GLG1: variants seen among roughly 807,000 people sequenced by gnomAD.
GLG1 encodes the protein golgi glycoprotein 1.
A neutral mutation model predicts 160.5 loss-of-function variants in GLG1; 38 were observed. The observed-to-expected ratio is 0.24, with a 90% CI of 0.18 to 0.31. The LOEUF (loss-of-function observed/expected upper bound fraction) is 0.31, where lower values mean the gene tolerates loss of function less well. GLG1 is among the 10% of genes least tolerant of loss of function. The pLI is 1.00. For synonymous variants in GLG1, 644 were observed against 543.4 expected, an observed-to-expected ratio of 1.19 and a Z score of -2.57; for missense variants, 1,373 against 1,505.2, an observed-to-expected ratio of 0.91 and a Z score of 1.45.
In GLG1 at chr16:74,462,238, G is replaced by C. The variant is rs373796773; in HGVS notation, c.2935-43C>G. The C allele has an allele frequency of 7.8e-6, 8 of 1,021,660 alleles. No individual in the cohort carries two copies. The African/African-American group carries it at 1.3e-4, about 17-fold the overall frequency. The allele number at this position is 1,021,660 out of a possible 1,614,324, so 63.3% of individuals were successfully genotyped here. A position where few individuals can be genotyped will look rare whatever the true frequency, so the allele number is the denominator to read the frequency against. The stretch of plus-strand genomic sequence containing the variant: ...AGGATACATGGGCTGATCAGAAAAC[G>C]AAGCTTTTCTACAAAAGCAGGACAT... On this transcript the variant is annotated intron_variant, in intron 21 of 25. Coordinates refer to ENST00000422840, the MANE Select transcript of GLG1 (RefSeq NM_001145667.2).
At chr16:74,601,055 T>C (rs1466161079) in intron 1 of GLG1, among the ~76,000 whole-genome samples, 3 of 152,044 alleles carry the variant, frequency 2.0e-5, no homozygotes, top group Admixed American at 2.0e-4. Context: ...ACAGACAGCA[T>C]AGGAGGAAAT....
intron 1 of GLG1, among the ~76,000 whole-genome samples, chr16:74,540,834 C>T (rs148847671): frequency 3.4e-4 from 51 of 152,158 alleles, no homozygotes; most frequent in Admixed American, 7.2e-4. Context: ...CTCCTAGCCA[C>T]GGCAGGCACA....
intron 1 of GLG1, among the ~76,000 whole-genome samples, chr16:74,549,022 C>T (rs1279610208): frequency 2.8e-4 from 43 of 152,108 alleles, no homozygotes; most frequent in Non-Finnish European, 1.2e-4. Flanking sequence ...TACCAAACAA[C>T]ACTTAATTTT....
intron 1 of GLG1, among the ~76,000 whole-genome samples, chr16:74,591,912 C>T (rs1958193966): frequency 6.6e-6 from 1 of 152,140 alleles, no homozygotes; most frequent in South Asian, 2.1e-4. Flanking sequence ...GCAGAGTTTT[C>T]CTTTGATAGG....
chr16:74,488,219 G>C (rs562488274), intron 8 of GLG1, among the ~76,000 whole-genome samples: 3 of 152,104 alleles, frequency 2.0e-5, no homozygotes, highest in African/African-American at 7.2e-5. Context: ...ATGGAAGTCT[G>C]CTGTATTAGG....
At chr16:74,494,683 G>C in intron 6 of GLG1, 77 bp downstream of exon 6, 1 of 678,064 alleles carries the variant, frequency 1.5e-6, no homozygotes, top group Non-Finnish European at 2.7e-6. Flanking sequence ...GGGATTACAG[G>C]CGTGAGCCAC....
chr16:74,487,228 T>C (rs1442553743), intron 8 of GLG1, among the ~76,000 whole-genome samples: 2 of 152,126 alleles, frequency 1.3e-5, no homozygotes, highest in South Asian at 2.1e-4. Context: ...TCTTTAATAA[T>C]AGAAAGCGAA....
intron 2 of GLG1, among the ~76,000 whole-genome samples, chr16:74,515,872 AAAC>A (rs2016961876): frequency 6.6e-6 from 1 of 151,380 alleles, no homozygotes; most frequent in African/African-American, 2.5e-5. Flanking sequence ...AGCAAATGGA[AAAC>A]AAAAAAAGGC....
intron 1 of GLG1, 26 bp from the exon 2 acceptor site, chr16:74,532,179 G>A (rs763639732): frequency 1.0e-6 from 1 of 955,578 alleles, no homozygotes; most frequent in Non-Finnish European, 1.4e-6. Flanking sequence ...AAGAAGAGAT[G>A]ATGTAAAAAA....
At chr16:74,522,436 G>C (rs1047903333) in intron 2 of GLG1, among the ~76,000 whole-genome samples, 1 of 152,190 alleles carries the variant, frequency 6.6e-6, no homozygotes, top group African/African-American at 2.4e-5. Context: ...ATCTCACTGA[G>C]ATTTTCATTT....
rs529415533 is a variant in GLG1, at chr16:74,459,542, G to A, written c.3144+140C>T. 5 of 641,588 alleles carry A rather than the reference G, an allele frequency of 7.8e-6. No individual in the cohort carries two copies. The Admixed American group carries it at 8.7e-5, about 11-fold the overall frequency. The allele number at this position is 641,588 out of a possible 1,614,324, so 39.7% of individuals were successfully genotyped here. On this transcript the variant is annotated intron_variant, in intron 23 of 25. Transcript: ENST00000422840. ...AAATCAAATGAAAGTTTGGTAAGAAGGAACAGCAAGAAAAGAGTGCTGGGC... is the reference window on the plus strand; with the variant it reads ...AAATCAAATGAAAGTTTGGTAAGAAAGAACAGCAAGAAAAGAGTGCTGGGC...
At position 74,452,004 on chromosome 16, in the gene GLG1, T is replaced by G; in HGVS notation, c.*1163A>C. 7.9e-7 allele frequency: 1 copy of G among 1,267,136 alleles called. No individual in the cohort carries two copies. Among genetic ancestry groups the G allele is most frequent in the Non-Finnish European group, 1.2e-6 (1 of 863,344 alleles). The allele number at this position is 1,267,136 out of a possible 1,614,324, so 78.5% of individuals were successfully genotyped here. On this transcript the variant is annotated 3_prime_UTR_variant, in exon 26 of 26. Coordinates refer to ENST00000422840, the MANE Select transcript of GLG1 (RefSeq NM_001145667.2). The stretch of plus-strand genomic sequence containing the variant: ...GATAACTTTCCACACCCTCTCCACG[T>G]AGAGGCACAAAGGAGCTTGTCTGGG...
chr16:74,590,384 G>C (rs1273539547), intron 1 of GLG1, among the ~76,000 whole-genome samples: 2 of 151,878 alleles, frequency 1.3e-5, no homozygotes, highest in African/African-American at 4.8e-5. Context: ...CTGGGAGGCC[G>C]AAGCAGGCGG....
chr16:74,531,921 A>G (rs2017546367), intron 2 of GLG1, among the ~76,000 whole-genome samples, 200 bp downstream of exon 2: 1 of 152,180 alleles, frequency 6.6e-6, no homozygotes, highest in Non-Finnish European at 1.5e-5. Flanking sequence ...AAGTACGTAA[A>G]TATTATTTGG....
intron 1 of GLG1, among the ~76,000 whole-genome samples, chr16:74,592,278 G>C (rs999976921): frequency 6.6e-6 from 1 of 152,284 alleles, no homozygotes; most frequent in East Asian, 1.9e-4. Flanking sequence ...GAGTAGCTGG[G>C]ATTATAGGCA....
rs1201943411 is a variant in GLG1, at chr16:74,452,295, T to C, written c.*872A>G. ...TCAGCAGGGCCGGTCCAGACATGGC[T>C]GAGTCCTGTGCTGCCCTGGAGGAGG... On this transcript the variant is annotated 3_prime_UTR_variant, in exon 26 of 26. Coordinates refer to ENST00000422840, the MANE Select transcript of GLG1 (RefSeq NM_001145667.2). The C allele has an allele frequency of 1.8e-5, 26 of 1,440,716 alleles. No homozygotes were observed. Among genetic ancestry groups the C allele is most frequent in the Admixed American group, 5.0e-5 (2 of 39,678 alleles). The allele number at this position is 1,440,716 out of a possible 1,614,324, so 89.2% of individuals were successfully genotyped here. A position where few individuals can be genotyped will look rare whatever the true frequency, so the allele number is the denominator to read the frequency against.
intron 1 of GLG1, among the ~76,000 whole-genome samples, chr16:74,589,974 T>C (rs1002335471): frequency 3.5e-5 from 5 of 142,222 alleles, no homozygotes; most frequent in Admixed American, 2.2e-4. Context: ...ATACCGATAG[T>C]ACAAATTCTT....
intron 1 of GLG1, among the ~76,000 whole-genome samples, chr16:74,585,377 G>C (rs1958025116): frequency 6.6e-6 from 1 of 151,950 alleles, no homozygotes; most frequent in African/African-American, 2.4e-5. Context: ...GCAGTGCACT[G>C]CAGCCTGGGC....
At chr16:74,561,711 T>C (rs961072370) in intron 1 of GLG1, among the ~76,000 whole-genome samples, 1 of 152,184 alleles carries the variant, frequency 6.6e-6, no homozygotes, top group African/African-American at 2.4e-5. Flanking sequence ...TGCACCTGAA[T>C]TGGAGATACA....
Sources: allele counts gnomAD v4.1 joint callset (sites outside exome capture counted in the v4.1 genomes callset), GRCh38; gene constraint gnomAD v4.1.1; transcripts MANE v1.5; gene names NCBI Gene and HGNC (gene_info 2026-07-23, HGNC 2026-07-21).